OPRD1: variants seen among roughly 807,000 people sequenced by gnomAD.
The protein encoded by OPRD1 is opioid receptor delta 1.
A neutral mutation model predicts 17.5 loss-of-function variants in OPRD1; 19 were observed. The ratio of observed to expected loss-of-function variants is 1.09; its 90% CI spans 0.76 to 1.60. OPRD1 has a LOEUF of 1.60. Ranked by LOEUF, OPRD1 falls within the 40% of genes most tolerant of loss-of-function variation. OPRD1 has a pLI of 0.00. For missense variants in OPRD1, 483 were observed against 547.2 expected, an observed-to-expected ratio of 0.88 and a Z score of 1.17; for synonymous variants, 256 against 240.9, an observed-to-expected ratio of 1.06 and a Z score of -0.58.
chr1:28,862,891 G>T lies in OPRD1; in HGVS notation c.727G>T (p.Val243Leu). ...YGLMLLRLRS[V>L]RLLSGSKEKD... ...CCTCATGCTGCTGCGCCTGCGCAGT[G>T]TGCGCCTGCTGTCGGGCTCCAAGGA... The change falls in exon 3 of 3, where the codon GTG (valine) becomes TTG (leucine). Residue 243 changes from valine to leucine, a missense_variant. Physicochemically the swap from Val to Leu is conservative, Grantham distance 32 (BLOSUM62 1). Coordinates refer to ENST00000234961, the MANE Select transcript of OPRD1 (RefSeq NM_000911.4). The T allele has an allele frequency of 6.2e-7, 1 of 1,612,574 alleles. No homozygotes were observed. Among genetic ancestry groups the T allele is most frequent in the Admixed American group, 1.7e-5 (1 of 60,030 alleles).
chr1:28,843,922 A>C (rs2088917784), intron 1 of OPRD1, among the ~76,000 whole-genome samples: 1 of 152,032 alleles, frequency 6.6e-6, no homozygotes, highest in Admixed American at 6.6e-5. Flanking sequence ...GGTTGCTTTC[A>C]CCTTTTAGCT....
intron 1 of OPRD1, among the ~76,000 whole-genome samples, chr1:28,830,037 A>G (rs1288980560): frequency 6.6e-6 from 1 of 152,040 alleles, no homozygotes; most frequent in Non-Finnish European, 1.5e-5. Flanking sequence ...CTTAGAGGCC[A>G]TTGTAGAGTT....
At chr1:28,853,752 CT>C (rs34603985) in intron 1 of OPRD1, among the ~76,000 whole-genome samples, 216 of 137,214 alleles carry the variant, frequency 1.6e-3, no homozygotes, top group East Asian at 1.5e-3. Flanking sequence ...TTTTTTTTTT[CT>C]TTTTTTTTTT....
rs2089135799 is a variant in OPRD1, at chr1:28,862,862, A to G, written c.698A>G (p.Tyr233Cys). The change falls in exon 3 of 3, where the codon TAT (tyrosine) becomes TGT (cysteine). Residue 233 changes from tyrosine (Y) to cysteine (C), a missense_variant. Tyr to Cys is a radical substitution (Grantham distance 194). Coordinates refer to ENST00000234961, the MANE Select transcript of OPRD1 (RefSeq NM_000911.4). ...VVPILIITVC[Y>C]GLMLLRLRSV... is the part of the protein sequence containing the mutation. Reference sequence around the variant, plus strand: ...CCCATCCTCATCATCACCGTGTGCTATGGCCTCATGCTGCTGCGCCTGCGC... The same window carrying G: ...CCCATCCTCATCATCACCGTGTGCTGTGGCCTCATGCTGCTGCGCCTGCGC... 1.2e-6 allele frequency: 2 copies of G among 1,612,740 alleles called. No homozygotes were observed. Among genetic ancestry groups the G allele is most frequent in the Non-Finnish European group, 1.7e-6 (2 of 1,180,006 alleles).
In OPRD1 at chr1:28,812,178, C is replaced by G; in HGVS notation, c.-206C>G. 1 of 173,426 alleles carries G rather than the reference C, an allele frequency of 5.8e-6. No homozygotes were observed. The highest frequency in any genetic ancestry group is 6.4e-5 in the Admixed American group (1 of 15,646). 10.7% of individuals were successfully genotyped at this position (173,426 alleles called of 1,614,324 possible). A position where few individuals can be genotyped will look rare whatever the true frequency, so the allele number is the denominator to read the frequency against. ...GCGGCTGCTCCTGGCTCACAGCGCT[C>G]CGGGCGAGGAGAGCGGGCGGACGCC... On this transcript the variant is annotated 5_prime_UTR_variant, in exon 1 of 3. Transcript: ENST00000234961.
intron 1 of OPRD1, among the ~76,000 whole-genome samples, chr1:28,827,879 C>T (rs1282625837): frequency 2.0e-5 from 3 of 152,042 alleles, no homozygotes; most frequent in Non-Finnish European, 4.4e-5. Context: ...TGTGTGCCAC[C>T]ATGTCTGGCT....
intron 1 of OPRD1, among the ~76,000 whole-genome samples, chr1:28,846,854 C>CTTTCTTTCTT (rs2088953406): frequency 1.8e-5 from 1 of 54,238 alleles, no homozygotes; most frequent in Admixed American, 1.9e-4. Context: ...TCTTTTCTTT[C>CTTTCTTTCTT]TTTCTTTCTT....
intron 1 of OPRD1, among the ~76,000 whole-genome samples, chr1:28,824,692 A>AT (rs1415082957): frequency 6.6e-6 from 1 of 151,956 alleles, no homozygotes; most frequent in Non-Finnish European, 1.5e-5. Flanking sequence ...ATCCCATTTA[A>AT]TTTTTGCAGA....
intron 1 of OPRD1, among the ~76,000 whole-genome samples, chr1:28,813,727 A>G (rs2088650587): frequency 6.6e-6 from 1 of 152,192 alleles, no homozygotes; most frequent in African/African-American, 2.4e-5. Flanking sequence ...TGGTGGACCA[A>G]GGACATGGCC....
At chr1:28,855,569 G>A (rs911393071) in intron 1 of OPRD1, among the ~76,000 whole-genome samples, 11 of 152,266 alleles carry the variant, frequency 7.2e-5, no homozygotes, top group Admixed American at 2.6e-4. Context: ...GAGGGGGGCC[G>A]TGAGGAGAGG....
intron 1 of OPRD1, among the ~76,000 whole-genome samples, chr1:28,820,385 G>A (rs1448847715): frequency 6.6e-6 from 1 of 151,602 alleles, no homozygotes; most frequent in African/African-American, 2.4e-5. Context: ...AGTAGAGATG[G>A]GGTTTCACCA....
intron 1 of OPRD1, among the ~76,000 whole-genome samples, chr1:28,848,152 G>C (rs1484512149): frequency 6.6e-6 from 1 of 151,994 alleles, no homozygotes; most frequent in Non-Finnish European, 1.5e-5. Context: ...AGGAGGCTGA[G>C]AAAGGAGAAT....
intron 1 of OPRD1, among the ~76,000 whole-genome samples, chr1:28,820,246 G>A (rs2088701530): frequency 6.7e-6 from 1 of 148,674 alleles, no homozygotes; most frequent in South Asian, 2.1e-4. Context: ...CCAGGCTGGA[G>A]TGCAGTGACG....
chr1:28,866,642 A>G lies in OPRD1; in HGVS notation c.*3359A>G, dbSNP rs983670918. ...TTGGGTCCCTGGAATTCCAGGGTCC[A>G]TGTTTCCAGTTAATTCCAGGCATCA... On this transcript the variant is annotated 3_prime_UTR_variant, in exon 3 of 3. Coordinates refer to ENST00000234961, the MANE Select transcript of OPRD1 (RefSeq NM_000911.4). 12 of 152,202 alleles carry G rather than the reference A, an allele frequency of 7.9e-5. No individual in the cohort carries two copies. Among genetic ancestry groups the G allele is most frequent in the Admixed American group, 7.9e-4 (12 of 15,280 alleles). 9.4% of individuals were successfully genotyped at this position (152,202 alleles called of 1,614,324 possible).
intron 1 of OPRD1, among the ~76,000 whole-genome samples, chr1:28,818,011 C>T (rs372091261): frequency 2.0e-5 from 3 of 152,126 alleles, no homozygotes; most frequent in African/African-American, 2.4e-5. Context: ...TGAGCCGCTG[C>T]GCCTGGCTCA....
At position 28,867,217 on chromosome 1, in the gene OPRD1, T is replaced by C. The variant is rs1238992791; in HGVS notation, c.*3934T>C. On this transcript the variant is annotated 3_prime_UTR_variant, in exon 3 of 3. Coordinates refer to ENST00000234961, the MANE Select transcript of OPRD1 (RefSeq NM_000911.4). ...TCATTTATTTTGTTTGGGTTTTTTT[T>C]TTTCTGAGACAGGGTCTCCCTCTGT... 1 of 151,842 alleles carries C rather than the reference T, an allele frequency of 6.6e-6. No individual in the cohort carries two copies. Among genetic ancestry groups the C allele is most frequent in the East Asian group, 1.9e-4 (1 of 5,194 alleles). 9.4% of individuals were successfully genotyped at this position (151,842 alleles called of 1,614,324 possible).
In OPRD1 at chr1:28,863,360, A is replaced by G; in HGVS notation, c.*77A>G. The stretch of plus-strand genomic sequence containing the variant: ...TGAGTCCCAGTGGGAGGCGCGAGCC[A>G]TGATGTGGAGTGGGGCAGTAGAAGG... On this transcript the variant is annotated 3_prime_UTR_variant, in exon 3 of 3. Coordinates refer to ENST00000234961, the MANE Select transcript of OPRD1 (RefSeq NM_000911.4). The G allele has an allele frequency of 7.3e-7, 1 of 1,374,974 alleles. No individual in the cohort carries two copies. The highest frequency in any genetic ancestry group is 9.4e-7 in the Non-Finnish European group (1 of 1,066,026). 85.2% of individuals were successfully genotyped at this position (1,374,974 alleles called of 1,614,324 possible).
At chr1:28,848,981 C>A (rs1326575270) in intron 1 of OPRD1, among the ~76,000 whole-genome samples, 1 of 152,156 alleles carries the variant, frequency 6.6e-6, no homozygotes, top group Non-Finnish European at 1.5e-5. Context: ...TCCTGCACAA[C>A]CAGATGGCTA....
chr1:28,848,573 C>G (rs1289864667), intron 1 of OPRD1, among the ~76,000 whole-genome samples: 1 of 152,206 alleles, frequency 6.6e-6, no homozygotes, highest in Admixed American at 6.5e-5. Context: ...CGCCATTACT[C>G]CTAGATCACT....
Sources: allele counts gnomAD v4.1 joint callset (sites outside exome capture counted in the v4.1 genomes callset), GRCh38; gene constraint gnomAD v4.1.1; transcripts MANE v1.5; gene names NCBI Gene and HGNC (gene_info 2026-07-23, HGNC 2026-07-21).